The following PAPOLG variants were observed in gnomAD, a reference collection of about 807,000 sequenced individuals.
The protein encoded by PAPOLG is poly(A) polymerase gamma.
Under a neutral mutation model 99.0 loss-of-function variants are expected in PAPOLG, and 40 were observed. The ratio of observed to expected loss-of-function variants is 0.40; its 90% CI spans 0.31 to 0.53. The LOEUF (loss-of-function observed/expected upper bound fraction) is 0.53. Among genes scored for constraint, PAPOLG ranks in the 20% least tolerant of loss-of-function variants. The pLI, the probability that PAPOLG is intolerant of heterozygous loss-of-function variation, is 0.41. For synonymous variants in PAPOLG, 310 were observed against 299.3 expected, an observed-to-expected ratio of 1.04 and a Z score of -0.37; for missense variants, 675 against 884.1, an observed-to-expected ratio of 0.76 and a Z score of 3.00.
chr2:60,787,549 T>G lies in PAPOLG; in HGVS notation c.1325T>G (p.Phe442Cys), dbSNP rs1671401957. The G allele has an allele frequency of 6.2e-7, 1 of 1,613,970 alleles. No homozygotes were observed. Among genetic ancestry groups the G allele is most frequent in the African/African-American group, 1.3e-5 (1 of 74,918 alleles). The stretch of plus-strand genomic sequence containing the variant: ...TCAATGTGGTTCCTTGGGATAATTT[T>G]TCGGAGAGTAGAAAATGCAGAAAGT... ...YVSMWFLGII[F>C]RRVENAESVN... Residue 442 changes from phenylalanine (F) to cysteine (C), a missense_variant, in exon 15 of 22, where the codon TTT becomes TGT. Phe to Cys is a radical substitution (Grantham distance 205, BLOSUM62 -2). Transcript: ENST00000238714.
At position 60,800,259 on chromosome 2, in the gene PAPOLG, C is replaced by G. The variant is rs6704900; in HGVS notation, c.*3099C>G. On this transcript the variant is annotated 3_prime_UTR_variant, in exon 22 of 22. Transcript: ENST00000238714. ...GGAGCACAGTGGCATGATCTCACCT[C>G]ACTGCAACCTCTGCCTCCCGGGTTC... The G allele has an allele frequency of 0.14, 20,876 of 152,226 alleles. 1,769 individuals are homozygous for G. The highest frequency in any genetic ancestry group is 0.2 in the Middle Eastern group (59 of 294). The allele number at this position is 152,226 out of a possible 1,614,324, so 9.4% of individuals were successfully genotyped here.
chr2:60,758,741 T>C (rs1670434307), intron 1 of PAPOLG, among the ~76,000 whole-genome samples: 1 of 152,118 alleles, frequency 6.6e-6, no homozygotes. Context: ...TAATGAGATC[T>C]TTAGCTATTA....
At chr2:60,770,172 T>G (rs1315356832) in intron 5 of PAPOLG, among the ~76,000 whole-genome samples, 1 of 152,244 alleles carries the variant, frequency 6.6e-6, no homozygotes, top group Non-Finnish European at 1.5e-5. Flanking sequence ...GATAATAAAT[T>G]AGATACTGTA....
intron 13 of PAPOLG, among the ~76,000 whole-genome samples, chr2:60,783,849 G>C (rs1671276892): frequency 6.6e-6 from 1 of 152,182 alleles, no homozygotes; most frequent in African/African-American, 2.4e-5. Context: ...TCAGAATCAG[G>C]AGGGACATGA....
chr2:60,764,644 T>G (rs1670620397), intron 3 of PAPOLG, among the ~76,000 whole-genome samples: 1 of 152,148 alleles, frequency 6.6e-6, no homozygotes, highest in South Asian at 2.1e-4. Flanking sequence ...CAGGCTGATC[T>G]CGAACTCCTG....
chr2:60,784,961 C>A (rs1573246133), intron 13 of PAPOLG, among the ~76,000 whole-genome samples: 1 of 152,236 alleles, frequency 6.6e-6, no homozygotes, highest in East Asian at 1.9e-4. Context: ...TAAGCTTTTG[C>A]TGATGTTTTT....
chr2:60,756,675 G>C (rs574304838), intron 1 of PAPOLG, among the ~76,000 whole-genome samples, 180 bp downstream of exon 1: 1 of 152,222 alleles, frequency 6.6e-6, no homozygotes, highest in South Asian at 2.1e-4. Context: ...CGGCTCACCT[G>C]GCCACCCCTG....
chr2:60,760,415 C>G (rs1670489998), intron 2 of PAPOLG, 120 bp downstream of exon 2: 1 of 893,970 alleles, frequency 1.1e-6, no homozygotes. Flanking sequence ...AAAGAAAAAT[C>G]TTGGCCCTCT....
Position 60,791,890 on chromosome 2 carries a change from T to C in PAPOLG, c.1518+8T>C, listed in dbSNP as rs1396953216. 8.1e-6 allele frequency: 13 copies of C among 1,610,740 alleles called. No homozygotes were observed. Among genetic ancestry groups the C allele is most frequent in the Non-Finnish European group, 6.8e-6 (8 of 1,179,224 alleles). On this transcript the variant is annotated splice_region_variant and intron_variant, in intron 16 of 21. Transcript: ENST00000238714. ...CTTCAAAAGAAGAAAAAGGTGAGTT[T>C]ATAATCTTAACCCTTCAGTATGGTT...
chr2:60,760,418 G>A, intron 2 of PAPOLG, 123 bp downstream of exon 2: 1 of 895,384 alleles, frequency 1.1e-6, no homozygotes, highest in Non-Finnish European at 1.7e-6. Flanking sequence ...GAAAAATCTT[G>A]GCCCTCTTGG....
intron 15 of PAPOLG, 119 bp from the exon 16 acceptor site, chr2:60,791,642 G>A: frequency 8.5e-7 from 1 of 1,175,868 alleles, no homozygotes; most frequent in South Asian, 1.7e-5. Context: ...GGTTGTGGGT[G>A]GGTGGGTGGC....
intron 13 of PAPOLG, among the ~76,000 whole-genome samples, chr2:60,785,305 T>G (rs887641538): frequency 2.0e-5 from 3 of 151,980 alleles, no homozygotes; most frequent in African/African-American, 7.2e-5. Flanking sequence ...GCCTGGCTAA[T>G]TTTTTGTATT....
chr2:60,776,691 G>C (rs1365052197), intron 8 of PAPOLG, among the ~76,000 whole-genome samples: 1 of 152,130 alleles, frequency 6.6e-6, no homozygotes, highest in Admixed American at 6.5e-5. Context: ...GCCTCCCAAA[G>C]TGCTGGGATT....
intron 9 of PAPOLG, 94 bp downstream of exon 9, chr2:60,779,869 G>T: frequency 9.2e-7 from 1 of 1,088,356 alleles, no homozygotes. Flanking sequence ...GACTTTTTCT[G>T]TTGTTTTACA....
intron 3 of PAPOLG, among the ~76,000 whole-genome samples, chr2:60,765,729 C>G (rs977861502): frequency 6.6e-6 from 1 of 152,142 alleles, no homozygotes; most frequent in Non-Finnish European, 1.5e-5. Flanking sequence ...ATAAATCATG[C>G]GAGAATCAGA....
intron 1 of PAPOLG, 104 bp from the exon 2 acceptor site, chr2:60,760,030 C>G: frequency 8.3e-7 from 1 of 1,205,134 alleles, no homozygotes. Flanking sequence ...ACTAAGTAAA[C>G]TTTTAAGGTA....
intron 1 of PAPOLG, among the ~76,000 whole-genome samples, 194 bp downstream of exon 1, chr2:60,756,689 G>C (rs1670352215): frequency 6.6e-6 from 1 of 152,100 alleles, no homozygotes. Flanking sequence ...ACCCCTGCAC[G>C]GACTCGGGGA....
intron 17 of PAPOLG, 63 bp from the exon 18 acceptor site, chr2:60,793,564 A>C (rs1242603793): frequency 6.4e-7 from 1 of 1,566,910 alleles, no homozygotes; most frequent in Non-Finnish European, 8.7e-7. Context: ...GCCTTTTCTC[A>C]AAAAAGGAGA....
chr2:60,764,703 G>A (rs1318969409), intron 3 of PAPOLG, among the ~76,000 whole-genome samples: 2 of 152,164 alleles, frequency 1.3e-5, no homozygotes, highest in Non-Finnish European at 2.9e-5. Context: ...TAGGATTATA[G>A]GCATGAGCCA....
Sources: allele counts gnomAD v4.1 joint callset (sites outside exome capture counted in the v4.1 genomes callset), GRCh38; gene constraint gnomAD v4.1.1; transcripts MANE v1.5; gene names NCBI Gene and HGNC (gene_info 2026-07-23, HGNC 2026-07-21).